The following SALL2 variants were observed in gnomAD, a reference collection of about 807,000 sequenced individuals.
SALL2 encodes the protein spalt like transcription factor 2, also known as sal-like protein 2.
A neutral mutation model predicts 58.5 loss-of-function variants in SALL2; 32 were observed. The observed-to-expected ratio is 0.55, with a 90% CI of 0.41 to 0.74. SALL2 has a LOEUF of 0.74. Among genes scored for constraint, SALL2 ranks in the 30% least tolerant of loss-of-function variants. SALL2 has a pLI of 0.00. For synonymous variants in SALL2, 516 were observed against 513.6 expected (o/e 1.00, Z -0.06); for missense variants, 1,201 against 1,268.9 (o/e 0.95, Z 0.81).
Position 21,522,650 on chromosome 14 carries a change from G to A in SALL2, c.*54C>T, listed in dbSNP as rs1028263763. 1 of 1,498,390 alleles carries A rather than the reference G, an allele frequency of 6.7e-7. No homozygotes were observed. The highest frequency in any genetic ancestry group is 8.9e-7 in the Non-Finnish European group (1 of 1,125,154). 92.8% of individuals were successfully genotyped at this position (1,498,390 alleles called of 1,614,324 possible). On this transcript the variant is annotated 3_prime_UTR_variant, in exon 2 of 2. Transcript: ENST00000537235. ...GCTCATAACTCTGGGAGGTCCTTTT[G>A]TGAAGCTGTTTCTGCTCTGTGGGAC...
At chr14:21,533,850 A>G (rs547258272) in intron 1 of SALL2, among the ~76,000 whole-genome samples, 1 of 152,312 alleles carries the variant, frequency 6.6e-6, no homozygotes, top group South Asian at 2.1e-4. Flanking sequence ...CAAGAAGGCA[A>G]AAGACTCCTG....
At chr14:21,534,588 A>T (rs1892544729) in intron 1 of SALL2, among the ~76,000 whole-genome samples, 1 of 152,080 alleles carries the variant, frequency 6.6e-6, no homozygotes, top group Non-Finnish European at 1.5e-5. Context: ...CAGCTATGAT[A>T]TGGGGAATGG....
rs1213762025 is a variant in SALL2, at chr14:21,521,231, C to T, written c.*1473G>A. On this transcript the variant is annotated 3_prime_UTR_variant, in exon 2 of 2. Transcript: ENST00000537235. Reference sequence around the variant, plus strand: ...AATAGCAAAACCCTCACTCTCTCCTCCTCAGAACTCCTGTTCCAAATGATC... The same window carrying T: ...AATAGCAAAACCCTCACTCTCTCCTTCTCAGAACTCCTGTTCCAAATGATC... 2.0e-5 allele frequency: 3 copies of T among 152,214 alleles called. No individual in the cohort carries two copies. Among genetic ancestry groups the T allele is most frequent in the Non-Finnish European group, 4.4e-5 (3 of 68,048 alleles). The allele number at this position is 152,214 out of a possible 1,614,324, so 9.4% of individuals were successfully genotyped here. A position where few individuals can be genotyped will look rare whatever the true frequency, so the allele number is the denominator to read the frequency against.
In SALL2 at chr14:21,524,681, C is replaced by T; in HGVS notation, c.1041G>A (p.Lys347=). The part of the protein sequence containing the change: ...LEATASPGLL[K]PKNGSGELSY... Reference sequence around the variant, plus strand: ...TCAGCTCACCACTTCCATTCTTTGGCTTCAGGAGCCCTGGGGAGGCAGTGG... The same window carrying T: ...TCAGCTCACCACTTCCATTCTTTGGTTTCAGGAGCCCTGGGGAGGCAGTGG... The change falls in exon 2 of 2, where the codon AAG becomes AAA. Residue 347 remains lysine, a synonymous_variant. Coordinates refer to ENST00000537235, the MANE Select transcript of SALL2 (RefSeq NM_001364564.1). 1 of 1,614,056 alleles carries T rather than the reference C, an allele frequency of 6.2e-7. No homozygotes were observed. Among genetic ancestry groups the T allele is most frequent in the Non-Finnish European group, 8.5e-7 (1 of 1,180,010 alleles).
At chr14:21,526,466 G>C (rs907487097), upstream of SALL2, 6 of 1,299,876 alleles carry the variant, frequency 4.6e-6, no homozygotes, top group South Asian at 6.7e-5. Context: ...CTCAGAGCTC[G>C]GGAGAGTTTC....
chr14:21,524,026 T>C lies in SALL2; in HGVS notation c.1696A>G (p.Lys566Glu). The C allele has an allele frequency of 1.2e-6, 2 of 1,614,198 alleles. No homozygotes were observed. Among genetic ancestry groups the C allele is most frequent in the Non-Finnish European group, 1.7e-6 (2 of 1,180,036 alleles). ...GGGAAGGGGAAGCTGCCAGTGGACT[T>C]GAAGTGGTTGGTAAGCAGTGCCCAG... Reference protein sequence around the residue: ...PSWALLTNHFKSTGSFPFPYV... With the variant: ...PSWALLTNHFESTGSFPFPYV... Residue 566 changes from lysine (K) to glutamate (E), a missense_variant, in exon 2 of 2, where the codon AAG becomes GAG. Physicochemically the swap from Lys to Glu is moderately conservative, Grantham distance 56. Around this residue, in one of 3 missense-constraint regions of SALL2, gnomAD observed 675 missense variants for 683.8 expected, o/e 0.99. Coordinates refer to ENST00000537235, the MANE Select transcript of SALL2 (RefSeq NM_001364564.1).
chr14:21,522,767 C>G lies in SALL2; in HGVS notation c.2955G>C (p.Ser985=). 1 of 1,569,748 alleles carries G rather than the reference C, an allele frequency of 6.4e-7. No individual in the cohort carries two copies. The highest frequency in any genetic ancestry group is 1.2e-5 in the South Asian group (1 of 82,240). The part of the protein sequence containing the change: ...IAALSLVPGC[S]PSITSTGLSP... ...AGAGCCCTGTGGAGGTGATGGAAGG[C>G]GAACAGCCAGGGACTAGAGAAAGAG... The change falls in exon 2 of 2, where the codon TCG becomes TCC. Residue 985 remains serine (S), a synonymous_variant. Transcript: ENST00000537235.
rs896720843 is a variant in SALL2 at position 21,523,150 on chromosome 14, A to C, written c.2572T>G (p.Leu858Val). 6.2e-7 allele frequency: 1 copy of C among 1,613,978 alleles called. No homozygotes were observed. ...TTGCCCCCCTCTTCCTTGCCTCCTA[A>C]AACACCACTGCTTCCCTGCTCCATT... is the stretch of plus-strand genomic sequence containing the variant. ...QPMEQGSSGVLGGKEEGGKPE... is the reference protein window; with the variant it reads ...QPMEQGSSGVVGGKEEGGKPE... The change falls in exon 2 of 2, where the codon TTA (leucine) becomes GTA (valine). Residue 858 changes from leucine (L) to valine (V), a missense_variant. Leu to Val is a conservative substitution (Grantham distance 32). Transcript: ENST00000537235. The surrounding 1 kb of genome is among the most constrained non-coding windows in gnomAD (Gnocchi z 4.4).
At chr14:21,536,992 C>T (rs1892614891) in exon 1 of SALL2, 2 of 1,405,704 alleles carry the variant, frequency 1.4e-6, no homozygotes, top group Admixed American at 3.4e-5. Flanking sequence ...CTGGTCTCGT[C>T]TCCCCCTTGG....
At position 21,523,131 on chromosome 14, in the gene SALL2, C is replaced by G; in HGVS notation, c.2591G>C (p.Gly864Ala). 1.2e-6 allele frequency: 2 copies of G among 1,614,176 alleles called. No homozygotes were observed. The highest frequency in any genetic ancestry group is 1.3e-5 in the African/African-American group (1 of 75,050). ...SSGVLGGKEEGGKPERSSSPA... is the reference protein window; with the variant it reads ...SSGVLGGKEEAGKPERSSSPA... ...ACTTGAGCTTCTCTCCGGTTTGCCC[C>G]CCTCTTCCTTGCCTCCTAAAACACC... The change falls in exon 2 of 2, where the codon GGG becomes GCG. Residue 864 changes from glycine (G) to alanine (A), a missense_variant. This residue lies in a region of SALL2 where 675 missense variants were observed against 683.8 expected (regional missense o/e 0.99). Coordinates refer to ENST00000537235, the MANE Select transcript of SALL2 (RefSeq NM_001364564.1). The surrounding 1 kb of genome is among the most constrained non-coding windows in gnomAD (Gnocchi z 4.4).
At position 21,525,317 on chromosome 14, in the gene SALL2, G is replaced by C. The variant is rs746583610; in HGVS notation, c.405C>G (p.Gly135=). 3 of 1,613,510 alleles carry C rather than the reference G, an allele frequency of 1.9e-6. No homozygotes were observed. The South Asian group carries it at 3.3e-5, about 18-fold the overall frequency. ...TGGGACTGGCCAAGATCAGGCCCCCGCCTCCCCCAGCCGCTGTACCTGTGG... is the reference window on the plus strand; with the variant it reads ...TGGGACTGGCCAAGATCAGGCCCCCCCCTCCCCCAGCCGCTGTACCTGTGG... ...VAATGTAAGG[G]GGLILASPKL... The change falls in exon 2 of 2, where the codon GGC becomes GGG. Residue 135 remains glycine, a synonymous_variant. Coordinates refer to ENST00000537235, the MANE Select transcript of SALL2 (RefSeq NM_001364564.1). This position sits in a 1 kb window ranked among gnomAD's most constrained non-coding sequence, Gnocchi z 4.4.
At position 21,522,719 on chromosome 14, in the gene SALL2, GTCA is replaced by G. The variant is rs1892086909; in HGVS notation, c.3000_3002del (p.Asp1001del). 1 of 1,526,388 alleles carries G rather than the reference GTCA, an allele frequency of 6.6e-7. No individual in the cohort carries two copies. Among genetic ancestry groups the G allele is most frequent in the Admixed American group, 2.2e-5 (1 of 45,466 alleles). The allele number at this position is 1,526,388 out of a possible 1,614,324, so 94.6% of individuals were successfully genotyped here. A position where few individuals can be genotyped will look rare whatever the true frequency, so the allele number is the denominator to read the frequency against. ...AAAAACAGGCTCATGGGATCGTGGG[GTCA>G]TCTTTTCGGGGAAAGGGGGAGAGCC... On this transcript the variant is annotated inframe_deletion, in exon 2 of 2. Coordinates refer to ENST00000537235, the MANE Select transcript of SALL2 (RefSeq NM_001364564.1).
chr14:21,526,881 C>G (rs987242604), upstream of SALL2, among the ~76,000 whole-genome samples: 1 of 152,010 alleles, frequency 6.6e-6, no homozygotes, highest in Non-Finnish European at 1.5e-5. Context: ...AAAGAAGTTT[C>G]TCAGGGTGGG....
chr14:21,523,427 T>TTCC lies in SALL2; in HGVS notation c.2292_2294dup (p.Glu767dup). 6.2e-7 allele frequency: 1 copy of TTCC among 1,613,726 alleles called. No homozygotes were observed. ...CTTCCTCTTCTTCCTCATCCTCCTC[T>TTCC]TCCTCCTCCTCAGACAACTCCTCTT... is the stretch of plus-strand genomic sequence containing the variant. On this transcript the variant is annotated inframe_insertion, in exon 2 of 2. Coordinates refer to ENST00000537235, the MANE Select transcript of SALL2 (RefSeq NM_001364564.1). This position sits in a 1 kb window ranked among gnomAD's most constrained non-coding sequence, Gnocchi z 4.4.
At position 21,522,943 on chromosome 14, in the gene SALL2, G is replaced by A. The variant is rs758351528; in HGVS notation, c.2779C>T (p.His927Tyr). 6.2e-7 allele frequency: 1 copy of A among 1,614,090 alleles called. No individual in the cohort carries two copies. The highest frequency in any genetic ancestry group is 1.6e-4 in the Middle Eastern group (1 of 6,062). The change falls in exon 2 of 2, where the codon CAT (histidine) becomes TAT (tyrosine). Residue 927 changes from histidine (H) to tyrosine (Y), a missense_variant. Coordinates refer to ENST00000537235, the MANE Select transcript of SALL2 (RefSeq NM_001364564.1). ...CCCTCCTTGGGGTGGGTCTTCTGAT[G>A]CTCCTCCAGAGCTGCCTGGGAGGGA... ...AFPSQAALEE[H>Y]QKTHPKEGPL...
At chr14:21,536,143 C>G (rs1410908163) in intron 1 of SALL2, among the ~76,000 whole-genome samples, 2 of 152,210 alleles carry the variant, frequency 1.3e-5, no homozygotes, top group African/African-American at 4.8e-5. Flanking sequence ...ACACCTGTTG[C>G]TTCAAAAACA....
In SALL2 at chr14:21,525,165, A is replaced by C; in HGVS notation, c.557T>G (p.Val186Gly). The change falls in exon 2 of 2, where the codon GTG becomes GGG. Residue 186 changes from valine (V) to glycine (G), a missense_variant. By Grantham distance (109) the Val-to-Gly change is moderately radical (BLOSUM62 -3). This residue lies in a region of SALL2 where 467 missense variants were observed against 468.9 expected (regional missense o/e 1.00). Transcript: ENST00000537235. The surrounding 1 kb of genome is among the most constrained non-coding windows in gnomAD (Gnocchi z 4.4). ...NIPLILEELR[V>G]LQQRQIHQMQ... Reference sequence around the variant, plus strand: ...CTGATGGATCTGCCGCTGCTGCAGCACCCGTAGCTCTTCCAAGATCAGGGG... The same window carrying C: ...CTGATGGATCTGCCGCTGCTGCAGCCCCCGTAGCTCTTCCAAGATCAGGGG... 1.9e-6 allele frequency: 3 copies of C among 1,613,502 alleles called. No individual in the cohort carries two copies. The highest frequency in any genetic ancestry group is 1.7e-6 in the Non-Finnish European group (2 of 1,179,850).
At chr14:21,532,236 TTA>T (rs1892484431) in intron 1 of SALL2, among the ~76,000 whole-genome samples, 1 of 152,162 alleles carries the variant, frequency 6.6e-6, no homozygotes, top group Admixed American at 6.5e-5. Context: ...TACCCAAACA[TTA>T]TATGAGTCCA....
chr14:21,534,334 T>C (rs1221019093), intron 1 of SALL2, among the ~76,000 whole-genome samples: 2 of 152,162 alleles, frequency 1.3e-5, no homozygotes, highest in Non-Finnish European at 2.9e-5. Context: ...ACGGTAGATC[T>C]TAACAGAGGG....
Sources: allele counts gnomAD v4.1 joint callset (sites outside exome capture counted in the v4.1 genomes callset), GRCh38; gene constraint gnomAD v4.1.1; regional missense constraint gnomAD v4.1.1; non-coding constraint Gnocchi (gnomAD v3.1); transcripts MANE v1.5; gene names NCBI Gene and HGNC (gene_info 2026-07-23, HGNC 2026-07-21).